The following RABL6 variants were observed in gnomAD, a reference collection of about 807,000 sequenced individuals.
RABL6 encodes rab-like protein 6.
In RABL6, 28 loss-of-function variants were observed where a neutral mutation model predicts 72.9. The ratio of observed to expected loss-of-function variants is 0.38; its 90% CI spans 0.28 to 0.53. The LOEUF is 0.53. RABL6 is among the 20% of genes least tolerant of loss of function. The pLI is 0.80. For synonymous variants in RABL6, 477 were observed against 421.2 expected, an observed-to-expected ratio of 1.13 and a Z score of -1.62; for missense variants, 1,029 against 1,008.4, an observed-to-expected ratio of 1.02 and a Z score of -0.28.
At chr9:136,819,532 A>T (rs1051203222) in intron 1 of RABL6, among the ~76,000 whole-genome samples, 1 of 152,166 alleles carries the variant, frequency 6.6e-6, no homozygotes, top group Non-Finnish European at 1.5e-5. Flanking sequence ...GTGGTGTATA[A>T]GAGACACATC....
intron 1 of RABL6, among the ~76,000 whole-genome samples, chr9:136,815,761 A>G (rs1848107225): frequency 6.6e-6 from 1 of 152,196 alleles, no homozygotes; most frequent in Non-Finnish European, 1.5e-5. Flanking sequence ...AAATGTAAGA[A>G]AATTATTCCA....
intron 1 of RABL6, among the ~76,000 whole-genome samples, chr9:136,822,884 C>G (rs530577939): frequency 7.2e-5 from 11 of 152,214 alleles, no homozygotes; most frequent in South Asian, 2.1e-4. Context: ...GTCAGGAGAT[C>G]GAGACCACCC....
At chr9:136,831,973 G>C (rs891271972) in intron 6 of RABL6, 112 bp downstream of exon 6, 1 of 1,413,906 alleles carries the variant, frequency 7.1e-7, no homozygotes, top group Non-Finnish European at 9.4e-7. Flanking sequence ...GGGCCCGGCG[G>C]ATGTGGGTCT....
At chr9:136,838,730 C>T (rs1317925811) in intron 10 of RABL6, among the ~76,000 whole-genome samples, 179 bp from the exon 11 acceptor site, 1 of 143,036 alleles carries the variant, frequency 7.0e-6, no homozygotes, top group Non-Finnish European at 1.5e-5. Context: ...TGCCCCCGAC[C>T]CCTTCCTGCT....
rs1344120721 is a variant in RABL6 at position 136,839,860 on chromosome 9, A to G, written c.1925A>G (p.Glu642Gly). 2 of 1,611,740 alleles carry G rather than the reference A, an allele frequency of 1.2e-6. No homozygotes were observed. Among genetic ancestry groups the G allele is most frequent in the Admixed American group, 3.3e-5 (2 of 59,880 alleles). ...LEEAGPKESS[E>G]EGKEGKTPSK... is the part of the protein sequence containing the mutation. Reference sequence around the variant, plus strand: ...GAGGCCGGACCCAAGGAGAGCAGTGAGGAAGGTGGGTGGGGGCACCAGAGT... The same window carrying G: ...GAGGCCGGACCCAAGGAGAGCAGTGGGGAAGGTGGGTGGGGGCACCAGAGT... The change falls in exon 13 of 15, where the codon GAG becomes GGG. Residue 642 changes from glutamate to glycine, a missense_variant. Glu to Gly is a moderately conservative substitution (Grantham distance 98, BLOSUM62 -2). Around this residue, in one of 2 missense-constraint regions of RABL6, gnomAD observed 595 missense variants for 472.4 expected, o/e 1.26. Coordinates refer to ENST00000311502, the MANE Select transcript of RABL6 (RefSeq NM_024718.5).
At chr9:136,829,526 C>T (rs1048503632) in intron 5 of RABL6, 42 bp downstream of exon 5, 17 of 1,514,540 alleles carry the variant, frequency 1.1e-5, no homozygotes, top group African/African-American at 1.4e-5. Flanking sequence ...TGACTCTCAC[C>T]CCCCTAGCCC....
intron 2 of RABL6, 129 bp downstream of exon 2, chr9:136,823,788 C>T (rs958996077): frequency 1.6e-5 from 20 of 1,233,028 alleles, no homozygotes; most frequent in East Asian, 1.4e-4. Context: ...ACCCTGCTGA[C>T]GTGGGGGCCC....
At position 136,840,886 on chromosome 9, in the gene RABL6, C is replaced by T. The variant is rs762477326; in HGVS notation, c.*364C>T. On this transcript the variant is annotated 3_prime_UTR_variant, in exon 15 of 15. Transcript: ENST00000311502. ...AGGGGCCGCTTGGCTGTGGGGTGTG[C>T]GCTGCCCCGGCACCTGCTTGCCCTC... is the stretch of plus-strand genomic sequence containing the variant. The T allele has an allele frequency of 1.9e-5, 29 of 1,515,760 alleles. No individual in the cohort carries two copies. In the African/African-American group the frequency reaches 2.2e-4, roughly 12 times the overall value. The allele number at this position is 1,515,760 out of a possible 1,614,324, so 93.9% of individuals were successfully genotyped here. A position where few individuals can be genotyped will look rare whatever the true frequency, so the allele number is the denominator to read the frequency against.
chr9:136,824,823 C>T (rs1564364467), intron 2 of RABL6, among the ~76,000 whole-genome samples: 1 of 152,176 alleles, frequency 6.6e-6, no homozygotes, highest in Non-Finnish European at 1.5e-5. Context: ...GCTGACAGGA[C>T]ACAGAGCCCA....
At chr9:136,810,912 G>A (rs560797824) in intron 1 of RABL6, among the ~76,000 whole-genome samples, 2 of 152,200 alleles carry the variant, frequency 1.3e-5, no homozygotes, top group Non-Finnish European at 1.5e-5. Flanking sequence ...CAGAGTCGAG[G>A]GTTTTGGGGG....
intron 1 of RABL6, 85 bp from the exon 2 acceptor site, chr9:136,823,440 C>A: frequency 1.3e-6 from 2 of 1,531,054 alleles, no homozygotes; most frequent in Non-Finnish European, 1.8e-6. Context: ...GCAGCAGAAC[C>A]GGCTCTCCTT....
intron 1 of RABL6, chr9:136,808,977 G>GCT (rs1847940799): frequency 6.6e-6 from 1 of 152,176 alleles, no homozygotes; most frequent in African/African-American, 2.4e-5. Context: ...TGCCTGGGAC[G>GCT]CTCCATTCCT....
Position 136,831,794 on chromosome 9 carries a change from C to A in RABL6, c.532C>A (p.Arg178=). ...GCCAGTGTGCGTGCTGGGAAACTAC[C>A]GGGACATGGGCGAGCACCGAGTCAT... The part of the protein sequence containing the change: ...HVPVCVLGNY[R]DMGEHRVILP... Residue 178 remains arginine, a synonymous_variant, in exon 6 of 15, where the codon CGG becomes AGG. Coordinates refer to ENST00000311502, the MANE Select transcript of RABL6 (RefSeq NM_024718.5). 6.2e-7 allele frequency: 1 copy of A among 1,613,296 alleles called. No individual in the cohort carries two copies. Among genetic ancestry groups the A allele is most frequent in the Non-Finnish European group, 8.5e-7 (1 of 1,179,806 alleles).
At chr9:136,830,862 C>G (rs1588365181) in intron 5 of RABL6, 1 of 152,944 alleles carries the variant, frequency 6.5e-6, no homozygotes, top group South Asian at 2.1e-4. Flanking sequence ...AATGCTCTGT[C>G]TGGAGCCCCT....
At chr9:136,815,315 G>A (rs1848097493) in intron 1 of RABL6, 2 of 278,636 alleles carry the variant, frequency 7.2e-6, no homozygotes, top group South Asian at 4.0e-5. Context: ...TGGTGGGTGT[G>A]GCACCTGCAG....
At chr9:136,825,528 C>T (rs986586599) in intron 2 of RABL6, among the ~76,000 whole-genome samples, 1 of 152,110 alleles carries the variant, frequency 6.6e-6, no homozygotes, top group Non-Finnish European at 1.5e-5. Flanking sequence ...AGGGAGGGGC[C>T]GTGCCCAGGA....
At chr9:136,830,951 A>G (rs1274638170) in intron 5 of RABL6, 5 of 154,776 alleles carry the variant, frequency 3.2e-5, no homozygotes, top group Non-Finnish European at 7.3e-5. Flanking sequence ...CAGCCACGAG[A>G]GGCAGGAGAC....
intron 1 of RABL6, among the ~76,000 whole-genome samples, chr9:136,815,735 G>A (rs973622235): frequency 3.3e-5 from 5 of 152,200 alleles, no homozygotes; most frequent in Admixed American, 6.5e-5. Flanking sequence ...TAAATCATAA[G>A]CTCTTCTTGG....
At chr9:136,819,182 C>G (rs1055467266) in intron 1 of RABL6, among the ~76,000 whole-genome samples, 1 of 151,856 alleles carries the variant, frequency 6.6e-6, no homozygotes, top group African/African-American at 2.4e-5. Context: ...ATTAGCCGGG[C>G]GTGGTGGCGG....
Sources: allele counts gnomAD v4.1 joint callset (sites outside exome capture counted in the v4.1 genomes callset), GRCh38; gene constraint gnomAD v4.1.1; regional missense constraint gnomAD v4.1.1; transcripts MANE v1.5; gene names NCBI Gene and HGNC (gene_info 2026-07-23, HGNC 2026-07-21).